MTERF3: variants seen among roughly 807,000 people sequenced by gnomAD.
MTERF3 encodes the protein mitochondrial transcription termination factor 3.
In MTERF3, 40 loss-of-function variants were observed where a neutral mutation model predicts 40.5. That is an observed-to-expected ratio of 0.99 (90% CI 0.77 to 1.29). MTERF3 has a LOEUF of 1.29. Ranked by LOEUF, MTERF3 falls within the 50% of genes most tolerant of loss-of-function variation. The pLI is 0.00. For missense variants in MTERF3, 452 were observed against 478.2 expected (o/e 0.95, Z 0.51); for synonymous variants, 158 against 166.6 (o/e 0.95, Z 0.40).
intron 4 of MTERF3, among the ~76,000 whole-genome samples, chr8:96,247,786 T>C (rs561292015): frequency 6.6e-5 from 10 of 152,202 alleles, no homozygotes; most frequent in Non-Finnish European, 1.5e-4. Flanking sequence ...AACACCCCAC[T>C]ATAAATGAAG....
In MTERF3 at chr8:96,256,949, T is replaced by A. The variant is rs1197434624; in HGVS notation, c.487+13A>T. On this transcript the variant is annotated intron_variant, in intron 3 of 7. Coordinates refer to ENST00000287025, the MANE Select transcript of MTERF3 (RefSeq NM_015942.5). ...GTACATGCAAAAAGTACTTGTAGTT[T>A]AGTCAAACTTACCTAGAAGAACCAA... The A allele has an allele frequency of 1.3e-6, 2 of 1,589,634 alleles. No individual in the cohort carries two copies. The highest frequency in any genetic ancestry group is 4.5e-5 in the East Asian group (2 of 44,700).
intron 4 of MTERF3, among the ~76,000 whole-genome samples, chr8:96,250,684 G>GAAGAAGAAGAAGAAGAAGAGGAAGAAGA (rs1174594294): frequency 7.4e-5 from 1 of 13,532 alleles, no homozygotes; most frequent in Non-Finnish European, 2.8e-4. Context: ...GAAGAAGAAG[G>GAAGAAGAAGAAGAAGAAGAGGAAGAAGA]AGGAGGAGGA....
chr8:96,254,589 C>T (rs572542065), intron 3 of MTERF3, among the ~76,000 whole-genome samples: 1 of 152,296 alleles, frequency 6.6e-6, no homozygotes, highest in Non-Finnish European at 1.5e-5. Context: ...TCTCCTTTTT[C>T]AAGGCTGACT....
chr8:96,240,940 A>T (rs1005260679), intron 7 of MTERF3, among the ~76,000 whole-genome samples: 1 of 152,212 alleles, frequency 6.6e-6, no homozygotes, highest in African/African-American at 2.4e-5. Context: ...GTGTACCTCA[A>T]CATGGGTTTG....
intron 6 of MTERF3, 139 bp downstream of exon 6, chr8:96,245,721 A>G: frequency 1.4e-6 from 1 of 718,322 alleles, no homozygotes; most frequent in Non-Finnish European, 2.3e-6. Flanking sequence ...TGTTAAAGAT[A>G]ATTTCCTATT....
chr8:96,250,615 C>CTGAGGCTGAGGCAGAAGAAGAAGAAGAAA lies in MTERF3; in HGVS notation c.677+290_677+291insTTTCTTCTTCTTCTTCTGCCTCAGCCTCA, dbSNP rs1810131728. 1.7e-4 allele frequency among the ~76,000 whole-genome samples: 2 copies of CTGAGGCTGAGGCAGAAGAAGAAGAAGAAA among 11,790 alleles called. 1 individual carries two copies. The highest frequency in any genetic ancestry group is 4.8e-4 in the African/African-American group (2 of 4,140). The allele number at this position is 11,790 out of a possible 152,430, so 7.7% of individuals were successfully genotyped here. A position where few individuals can be genotyped will look rare whatever the true frequency, so the allele number is the denominator to read the frequency against. ...CACCCAGCTACTTGGGAGGCTGAGG[C>CTGAGGCTGAGGCAGAAGAAGAAGAAGAAA]AGAAGAAGAAGAAGAAGAAGAAGAA... is the stretch of plus-strand genomic sequence containing the variant. On this transcript the variant is annotated intron_variant, in intron 4 of 7. Coordinates refer to ENST00000287025, the MANE Select transcript of MTERF3 (RefSeq NM_015942.5).
At chr8:96,245,672 G>A (rs992272793) in intron 6 of MTERF3, among the ~76,000 whole-genome samples, 188 bp downstream of exon 6, 2 of 152,186 alleles carry the variant, frequency 1.3e-5, no homozygotes, top group African/African-American at 2.4e-5. Flanking sequence ...CCTGCTCAAC[G>A]TGAAAATATT....
At chr8:96,244,154 A>C in intron 6 of MTERF3, 74 bp from the exon 7 acceptor site, 1 of 1,041,556 alleles carries the variant, frequency 9.6e-7, no homozygotes, top group Non-Finnish European at 1.3e-6. Flanking sequence ...GGCTGCACTG[A>C]TTTTTTTTTT....
intron 3 of MTERF3, among the ~76,000 whole-genome samples, chr8:96,253,009 A>G (rs1182399603): frequency 6.6e-6 from 1 of 152,200 alleles, no homozygotes; most frequent in Non-Finnish European, 1.5e-5. Context: ...TGGGGTTATA[A>G]AAAAAGAATA....
chr8:96,242,740 T>C (rs1202215270), intron 7 of MTERF3, among the ~76,000 whole-genome samples: 2 of 152,194 alleles, frequency 1.3e-5, no homozygotes, highest in Non-Finnish European at 2.9e-5. Flanking sequence ...TGGTTAGGAC[T>C]CTACCATCAT....
At position 96,257,088 on chromosome 8, in the gene MTERF3, G is replaced by A; in HGVS notation, c.361C>T (p.Pro121Ser). Reference sequence around the variant, plus strand: ...TCTTCCTCTGAAATTGGCTGCATTGGAGACAATGGAGGCAATTCATCCAGT... The same window carrying A: ...TCTTCCTCTGAAATTGGCTGCATTGAAGACAATGGAGGCAATTCATCCAGT... ...EELDELPPLS[P>S]MQPISEEEAI... is the part of the protein sequence containing the mutation. The change falls in exon 3 of 8, where the codon CCA becomes TCA. Residue 121 changes from proline (P) to serine (S), a missense_variant. Physicochemically the swap from Pro to Ser is moderately conservative, Grantham distance 74 (BLOSUM62 -1). Transcript: ENST00000287025. 6.2e-7 allele frequency: 1 copy of A among 1,612,914 alleles called. No homozygotes were observed. Among genetic ancestry groups the A allele is most frequent in the Non-Finnish European group, 8.5e-7 (1 of 1,179,558 alleles).
rs377226374 is a variant in MTERF3, at chr8:96,246,307, C to T, written c.825G>A (p.Lys275=). ...AAACAAATTCTCTCCTTTTCTTTAC[C>T]TTCTTCACACTAAGTTCAAGTTCTT... ...FQKELELSVK[K]TRDLVVRLPR... Residue 275 remains lysine (K), a splice_region_variant and synonymous_variant, in exon 5 of 8, where the codon AAG becomes AAA. Transcript: ENST00000287025. The T allele has an allele frequency of 9.4e-6, 15 of 1,591,562 alleles. No individual in the cohort carries two copies. The South Asian group carries it at 1.1e-4, about 12-fold the overall frequency.
chr8:96,240,153 C>T (rs1051426187), intron 7 of MTERF3, among the ~76,000 whole-genome samples: 3 of 151,494 alleles, frequency 2.0e-5, no homozygotes, highest in Admixed American at 6.6e-5. Flanking sequence ...GAGGCTGAGG[C>T]AGGAGAATTG....
intron 2 of MTERF3, 135 bp from the exon 3 acceptor site, chr8:96,257,249 C>T: frequency 1.1e-6 from 1 of 883,082 alleles, no homozygotes; most frequent in South Asian, 2.1e-5. Flanking sequence ...ATCCAAGTCC[C>T]TAATTTTTCA....
intron 7 of MTERF3, among the ~76,000 whole-genome samples, chr8:96,242,114 C>A (rs112279572): frequency 6.6e-6 from 1 of 152,120 alleles, no homozygotes; most frequent in African/African-American, 2.4e-5. Context: ...ATTTAAACAC[C>A]AGCCAAAAAT....
chr8:96,250,568 AGGCATGGTG>A (rs1328742966), intron 4 of MTERF3, among the ~76,000 whole-genome samples: 1 of 143,518 alleles, frequency 7.0e-6, no homozygotes, highest in East Asian at 2.1e-4. Flanking sequence ...AAAATTAGCC[AGGCATGGTG>A]GCCACCTGTA....
intron 7 of MTERF3, among the ~76,000 whole-genome samples, chr8:96,242,373 A>G (rs1809945157): frequency 6.6e-6 from 1 of 152,104 alleles, no homozygotes; most frequent in Non-Finnish European, 1.5e-5. Flanking sequence ...CTATTTGGAA[A>G]GCTCCTCTCC....
At chr8:96,245,416 T>C (rs913673093) in intron 6 of MTERF3, among the ~76,000 whole-genome samples, 1 of 152,226 alleles carries the variant, frequency 6.6e-6, no homozygotes, top group African/African-American at 2.4e-5. Context: ...GAGAACAATG[T>C]GCTGGCTGCT....
At chr8:96,246,263 A>G in intron 5 of MTERF3, 44 bp downstream of exon 5, 2 of 1,535,414 alleles carry the variant, frequency 1.3e-6, no homozygotes, top group South Asian at 2.4e-5. Context: ...AGCTATTAAA[A>G]TGTACCTGAC....
Sources: gnomAD v4.1 joint callset for allele counts (sites outside exome capture counted in the v4.1 genomes callset) on GRCh38, gnomAD v4.1.1 for gene constraint, MANE v1.5 for transcripts, NCBI Gene and HGNC (gene_info 2026-07-23, HGNC 2026-07-21) for gene names.